Variants in PPM1E observed in about 807,000 individuals in gnomAD.
PPM1E encodes the protein protein phosphatase, Mg2+/Mn2+ dependent 1E, also known as protein phosphatase 1E.
In PPM1E, 20 loss-of-function variants were observed where a neutral mutation model predicts 65.9. The observed-to-expected ratio is 0.30, with a 90% CI of 0.21 to 0.44. The LOEUF (loss-of-function observed/expected upper bound fraction) is 0.44. Ranked by LOEUF, PPM1E falls within the 20% of genes least tolerant of loss-of-function variation. The pLI is 1.00. For synonymous variants in PPM1E, 352 were observed against 374.9 expected, an observed-to-expected ratio of 0.94 and a Z score of 0.70; for missense variants, 713 against 953.1, an observed-to-expected ratio of 0.75 and a Z score of 3.32.
rs529717140 is a variant in PPM1E at position 58,944,675 on chromosome 17, C to T, written c.465-10974C>T. ...CACACTGTAGCATGTATAAGTGCTT[C>T]ATTCTTTTTTATGGCTAATATTCCA... On this transcript the variant is annotated intron_variant, in intron 1 of 6. Transcript: ENST00000308249. Among the ~76,000 whole-genome samples, 123 of 152,242 alleles carry T rather than the reference C, an allele frequency of 8.1e-4. 2 individuals carry two copies. Among genetic ancestry groups the T allele is most frequent in the Middle Eastern group, 6.8e-3 (2 of 294 alleles).
At chr17:58,822,624 A>G (rs991721023) in intron 1 of PPM1E, among the ~76,000 whole-genome samples, 4 of 152,200 alleles carry the variant, frequency 2.6e-5, no homozygotes, top group Non-Finnish European at 5.9e-5. Flanking sequence ...GCCCATAGGC[A>G]TTTGTAAACT....
intron 1 of PPM1E, among the ~76,000 whole-genome samples, chr17:58,915,442 GGTCTTCAAGACCTGT>G (rs1457575616): frequency 2.6e-5 from 4 of 152,144 alleles, no homozygotes; most frequent in Non-Finnish European, 1.5e-5. Context: ...TTATCAGCAA[GGTCTTCAAGACCTGT>G]GTCTTGTGCC....
intron 1 of PPM1E, among the ~76,000 whole-genome samples, chr17:58,882,896 TGAG>T (rs2051215438): frequency 6.6e-6 from 1 of 152,004 alleles, no homozygotes; most frequent in African/African-American, 2.4e-5. Flanking sequence ...CTGTTCTGTC[TGAG>T]ATTTCCTCAA....
At chr17:58,828,569 A>G (rs375782018) in intron 1 of PPM1E, among the ~76,000 whole-genome samples, 3 of 151,132 alleles carry the variant, frequency 2.0e-5, no homozygotes, top group Middle Eastern at 3.5e-3. Context: ...GGTTCAAGTG[A>G]TTCTCCTGCC....
At chr17:58,872,245 C>T (rs775642415) in intron 1 of PPM1E, among the ~76,000 whole-genome samples, 15 of 151,016 alleles carry the variant, frequency 9.9e-5, no homozygotes, top group African/African-American at 2.4e-4. Context: ...TGCAGTGAGC[C>T]GAGATTGCAC....
intron 1 of PPM1E, among the ~76,000 whole-genome samples, chr17:58,811,154 A>G (rs2050364335): frequency 6.6e-6 from 1 of 152,094 alleles, no homozygotes; most frequent in Non-Finnish European, 1.5e-5. Flanking sequence ...CACCTCACCC[A>G]GCCTTGTTTT....
At chr17:58,914,211 T>G (rs1242319134) in intron 1 of PPM1E, among the ~76,000 whole-genome samples, 2 of 152,226 alleles carry the variant, frequency 1.3e-5, no homozygotes, top group African/African-American at 4.8e-5. Flanking sequence ...TTTTAACATC[T>G]TACATTATCA....
intron 1 of PPM1E, chr17:58,899,537 A>C (rs2051471229): frequency 4.4e-6 from 1 of 225,048 alleles, no homozygotes; most frequent in African/African-American, 2.3e-5. Context: ...ATTAAGGTTG[A>C]CCAGAAAGTA....
At chr17:58,775,124 T>TAA (rs2049981025) in intron 1 of PPM1E, among the ~76,000 whole-genome samples, 2 of 152,216 alleles carry the variant, frequency 1.3e-5, no homozygotes, top group Admixed American at 1.3e-4. Flanking sequence ...GTGCTGGAAT[T>TAA]ACAGGTGTGA....
rs1303114070 is a variant in PPM1E, at chr17:58,783,156, AG to A, written c.464+26696del. On this transcript the variant is annotated intron_variant, in intron 1 of 6. Transcript: ENST00000308249. The stretch of plus-strand genomic sequence containing the variant: ...GCCAGAGGATTGGAGGTAAGCAATG[AG>A]TAAGGACTTTGACAGCATGATGATC... 2.0e-5 allele frequency among the ~76,000 whole-genome samples: 3 copies of A among 152,364 alleles called. No homozygotes were observed. The East Asian group carries it at 5.8e-4, about 29-fold the overall frequency.
intron 1 of PPM1E, among the ~76,000 whole-genome samples, chr17:58,878,807 C>A (rs2051156667): frequency 6.6e-6 from 1 of 151,232 alleles, no homozygotes; most frequent in Non-Finnish European, 1.5e-5. Flanking sequence ...TGGTGCATTG[C>A]CTGTAGTCCC....
intron 1 of PPM1E, among the ~76,000 whole-genome samples, chr17:58,782,028 A>G (rs1681381549): frequency 6.6e-6 from 1 of 152,188 alleles, no homozygotes; most frequent in Non-Finnish European, 1.5e-5. Context: ...TATAGAACAG[A>G]TAAAGGATTA....
chr17:58,804,435 C>G (rs1272386423), intron 1 of PPM1E, among the ~76,000 whole-genome samples: 1 of 152,102 alleles, frequency 6.6e-6, no homozygotes, highest in African/African-American at 2.4e-5. Flanking sequence ...ACATTATTCT[C>G]TAACTAGATT....
At chr17:58,881,124 A>G (rs758117989) in intron 1 of PPM1E, among the ~76,000 whole-genome samples, 28 of 152,234 alleles carry the variant, frequency 1.8e-4, no homozygotes, top group Non-Finnish European at 3.5e-4. Flanking sequence ...GAGTATACCA[A>G]TCCTTTTTAT....
chr17:58,756,067 G>C lies in PPM1E; in HGVS notation c.70G>C (p.Gly24Arg). ...GGAGCTATTCCTGGGCGAGTTTCGC[G>C]GACCGTGCGGCGGCGGCGAGCCGGA... ...FLELFLGEFR[G>R]PCGGGEPEPE... Residue 24 changes from glycine (G) to arginine (R), a missense_variant, in exon 1 of 7, where the codon GGA (glycine) becomes CGA (arginine). Physicochemically the swap from Gly to Arg is moderately radical, Grantham distance 125. Transcript: ENST00000308249. 6.2e-7 allele frequency: 1 copy of C among 1,613,540 alleles called. No homozygotes were observed. The highest frequency in any genetic ancestry group is 8.5e-7 in the Non-Finnish European group (1 of 1,179,842).
At position 58,980,101 on chromosome 17, in the gene PPM1E, A is replaced by G. The variant is rs1598718568; in HGVS notation, c.1338A>G (p.Ala446=). 2 of 1,614,168 alleles carry G rather than the reference A, an allele frequency of 1.2e-6. No individual in the cohort carries two copies. Among genetic ancestry groups the G allele is most frequent in the Non-Finnish European group, 1.7e-6 (2 of 1,180,020 alleles). The change falls in exon 7 of 7, where the codon GCA becomes GCG. Residue 446 remains alanine (A), a synonymous_variant. Coordinates refer to ENST00000308249, the MANE Select transcript of PPM1E (RefSeq NM_014906.5). The surrounding 1 kb of genome is among the most constrained non-coding windows in gnomAD (Gnocchi z 4.7). ...ATGACACCGTGAACCCTGATGAGGCAGTGAAAGTTGTGTCCGACCACCTGA... is the reference window on the plus strand; with the variant it reads ...ATGACACCGTGAACCCTGATGAGGCGGTGAAAGTTGTGTCCGACCACCTGA... ...GFYDTVNPDE[A]VKVVSDHLKE...
At chr17:58,825,725 A>G (rs1032605371) in intron 1 of PPM1E, among the ~76,000 whole-genome samples, 2 of 151,402 alleles carry the variant, frequency 1.3e-5, no homozygotes, top group African/African-American at 2.4e-5. Context: ...ACCCACCACC[A>G]TGCTCGGTTA....
rs34789176 is a variant in PPM1E at position 58,827,135 on chromosome 17, C to CT, written c.464+70694dup. 2.7e-3 allele frequency among the ~76,000 whole-genome samples: 279 copies of CT among 104,240 alleles called. 3 individuals carry two copies. Among genetic ancestry groups the CT allele is most frequent in the Middle Eastern group, 0.012 (2 of 172 alleles). 68.4% of individuals were successfully genotyped at this position (104,240 alleles called of 152,430 possible). A position where few individuals can be genotyped will look rare whatever the true frequency, so the allele number is the denominator to read the frequency against. On this transcript the variant is annotated intron_variant, in intron 1 of 6. Transcript: ENST00000308249. The stretch of plus-strand genomic sequence containing the variant: ...CTGCATTCAGCTTTAAGTCCATGAT[C>CT]TTTTTTTTTTTTTTTTTTTTGAGAC...
chr17:58,760,410 ATCCCTGACTTCTCCTT>A (rs1450188586), intron 1 of PPM1E, among the ~76,000 whole-genome samples: 1 of 152,178 alleles, frequency 6.6e-6, no homozygotes, highest in Non-Finnish European at 1.5e-5. Context: ...TGGTGGGTCC[ATCCCTGACTTCTCCTT>A]TCCCTGACTT....
Sources: gnomAD v4.1 joint callset for allele counts (sites outside exome capture counted in the v4.1 genomes callset) on GRCh38, gnomAD v4.1.1 for gene constraint, Gnocchi (gnomAD v3.1) non-coding constraint, MANE v1.5 for transcripts, NCBI Gene and HGNC (gene_info 2026-07-23, HGNC 2026-07-21) for gene names.